The following ANKS1A variants were observed in gnomAD, a reference collection of about 807,000 sequenced individuals.
The protein encoded by ANKS1A is ankyrin repeat and sterile alpha motif domain containing 1A, also known as ankyrin repeat and SAM domain-containing protein 1A.
A neutral mutation model predicts 120.3 loss-of-function variants in ANKS1A; 55 were observed. The ratio of observed to expected loss-of-function variants is 0.46; its 90% CI spans 0.37 to 0.57. The LOEUF (loss-of-function observed/expected upper bound fraction) is 0.57. Among genes scored for constraint, ANKS1A ranks in the 20% least tolerant of loss-of-function variants. ANKS1A has a pLI of 0.00. For synonymous variants in ANKS1A, 590 were observed against 604.7 expected (o/e 0.98, Z 0.36); for missense variants, 1,123 against 1,480.3 (o/e 0.76, Z 3.96).
Position 35,086,970 on chromosome 6 carries a change from G to A in ANKS1A, c.3322G>A (p.Asp1108Asn). 1 of 1,614,160 alleles carries A rather than the reference G, an allele frequency of 6.2e-7. No individual in the cohort carries two copies. The highest frequency in any genetic ancestry group is 8.5e-7 in the Non-Finnish European group (1 of 1,180,000). ...RKSALEPPDM[D>N]QDAQSHASVS... ...TTGGCAGCTGGAACCACCTGATATG[G>A]ACCAAGATGCCCAATCCCATGCCAG... Residue 1108 changes from aspartate to asparagine, a missense_variant, in exon 23 of 24, where the codon GAC becomes AAC. Physicochemically the swap from Asp to Asn is conservative, Grantham distance 23. Around this residue, in one of 3 missense-constraint regions of ANKS1A, gnomAD observed 904 missense variants for 1,130.4 expected, o/e 0.80. Coordinates refer to ENST00000360359, the MANE Select transcript of ANKS1A (RefSeq NM_015245.3). The surrounding 1 kb of genome is among the most constrained non-coding windows in gnomAD (Gnocchi z 5.1).
chr6:34,971,166 G>T (rs1224067204), intron 3 of ANKS1A, among the ~76,000 whole-genome samples: 1 of 152,184 alleles, frequency 6.6e-6, no homozygotes, highest in Non-Finnish European at 1.5e-5. Flanking sequence ...CACAAATCAG[G>T]AACATGTGAG....
chr6:35,088,245 C>A (rs1778099382), intron 23 of ANKS1A, among the ~76,000 whole-genome samples: 1 of 152,252 alleles, frequency 6.6e-6, no homozygotes, highest in South Asian at 2.1e-4. Flanking sequence ...GCACCCCATT[C>A]TCCAGTGTGG....
At chr6:35,005,431 A>G (rs1473626338) in intron 10 of ANKS1A, among the ~76,000 whole-genome samples, 1 of 152,232 alleles carries the variant, frequency 6.6e-6, no homozygotes. Flanking sequence ...TTGTGTAAAT[A>G]CCTATAATAC....
chr6:35,054,541 C>T (rs1299259596), intron 12 of ANKS1A, among the ~76,000 whole-genome samples: 2 of 152,182 alleles, frequency 1.3e-5, no homozygotes, highest in African/African-American at 4.8e-5. Flanking sequence ...GAGTCTCATC[C>T]GTGATGGTGG....
At chr6:34,993,638 G>A (rs1772691601) in intron 9 of ANKS1A, among the ~76,000 whole-genome samples, 1 of 152,186 alleles carries the variant, frequency 6.6e-6, no homozygotes, top group Non-Finnish European at 1.5e-5. Context: ...CTGAAGAAAA[G>A]CTCACAAAAA....
intron 9 of ANKS1A, among the ~76,000 whole-genome samples, chr6:34,990,237 C>T (rs1772432290): frequency 6.6e-6 from 1 of 152,090 alleles, no homozygotes; most frequent in African/African-American, 2.4e-5. Context: ...TGTATAAATA[C>T]AAGGAAGCCC....
chr6:34,981,854 G>T lies in ANKS1A; in HGVS notation c.600G>T (p.Met200Ile). The T allele has an allele frequency of 6.2e-7, 1 of 1,614,126 alleles. No individual in the cohort carries two copies. Among genetic ancestry groups the T allele is most frequent in the East Asian group, 2.2e-5 (1 of 44,870 alleles). ...ACGGGCGACTGGAGGTGGTGAAAAT[G>T]CTCCTTAATGCACACCCCAACCTCC... ...ALYGRLEVVK[M>I]LLNAHPNLLS... The change falls in exon 4 of 24, where the codon ATG (methionine) becomes ATT (isoleucine). Residue 200 changes from methionine (M) to isoleucine (I), a missense_variant. Physicochemically the swap from Met to Ile is conservative, Grantham distance 10. Around this residue, in one of 3 missense-constraint regions of ANKS1A, gnomAD observed 146 missense variants for 267.8 expected, o/e 0.55. Coordinates refer to ENST00000360359, the MANE Select transcript of ANKS1A (RefSeq NM_015245.3).
At position 35,089,935 on chromosome 6, in the gene ANKS1A, C is replaced by T; in HGVS notation, c.*1326C>T. On this transcript the variant is annotated 3_prime_UTR_variant, in exon 24 of 24. Transcript: ENST00000360359. ...GAATAATCCAGGCTTCAGCAACACT[C>T]CTCTTTCCCAGCCAGCAAAGGCTGT... is the stretch of plus-strand genomic sequence containing the variant. The T allele has an allele frequency of 4.3e-6, 5 of 1,164,452 alleles. No homozygotes were observed. Among genetic ancestry groups the T allele is most frequent in the Non-Finnish European group, 5.4e-6 (5 of 928,886 alleles). The allele number at this position is 1,164,452 out of a possible 1,614,324, so 72.1% of individuals were successfully genotyped here.
intron 11 of ANKS1A, among the ~76,000 whole-genome samples, chr6:35,019,493 T>C (rs552272327): frequency 6.6e-6 from 1 of 152,258 alleles, no homozygotes; most frequent in East Asian, 1.9e-4. Context: ...AAGATTCTGA[T>C]TAGGCAGAGA....
At chr6:35,019,516 G>A (rs1313862243) in intron 11 of ANKS1A, among the ~76,000 whole-genome samples, 1 of 152,160 alleles carries the variant, frequency 6.6e-6, no homozygotes, top group Non-Finnish European at 1.5e-5. Flanking sequence ...GAGGAATCCT[G>A]TGCAAAAGAT....
At chr6:34,973,231 G>A (rs900084910) in intron 3 of ANKS1A, among the ~76,000 whole-genome samples, 8 of 152,046 alleles carry the variant, frequency 5.3e-5, no homozygotes, top group Non-Finnish European at 8.8e-5. Context: ...TTAAAACCAC[G>A]ACCCAATATC....
chr6:34,959,958 C>T (rs775980348), intron 1 of ANKS1A, among the ~76,000 whole-genome samples: 3 of 152,112 alleles, frequency 2.0e-5, no homozygotes, highest in Non-Finnish European at 4.4e-5. Flanking sequence ...TTTATGTCCT[C>T]CTCCGTTTTC....
At chr6:35,094,221 CTT>C (rs1284067207), downstream of ANKS1A, among the ~76,000 whole-genome samples, 6 of 152,176 alleles carry the variant, frequency 3.9e-5, no homozygotes, top group Admixed American at 6.5e-5. Flanking sequence ...TAGAAAATCA[CTT>C]ATCATACCAA....
At chr6:35,025,853 C>T (rs1024754256) in intron 11 of ANKS1A, among the ~76,000 whole-genome samples, 2 of 152,130 alleles carry the variant, frequency 1.3e-5, no homozygotes, top group Non-Finnish European at 2.9e-5. Flanking sequence ...TTCTGCCACT[C>T]GTGGTATCCG....
At position 35,054,120 on chromosome 6, in the gene ANKS1A, A is replaced by G. The variant is rs140299563; in HGVS notation, c.2032A>G (p.Ile678Val). 5 of 1,613,778 alleles carry G rather than the reference A, an allele frequency of 3.1e-6. No individual in the cohort carries two copies. The highest frequency in any genetic ancestry group is 2.2e-5 in the South Asian group (2 of 91,068). ...WDEIEKIMSS[I>V]GEGIDFSQER... ...TCAGATTGAGAAAATCATGAGTTCTATTGGAGAAGGGATTGACTTTTCTCA... is the reference window on the plus strand; with the variant it reads ...TCAGATTGAGAAAATCATGAGTTCTGTTGGAGAAGGGATTGACTTTTCTCA... Residue 678 changes from isoleucine (I) to valine (V), a missense_variant, in exon 12 of 24, where the codon ATT becomes GTT. Ile to Val is a conservative substitution (Grantham distance 29, BLOSUM62 3). This residue lies in a region of ANKS1A where 904 missense variants were observed against 1,130.4 expected (regional missense o/e 0.80). Coordinates refer to ENST00000360359, the MANE Select transcript of ANKS1A (RefSeq NM_015245.3).
chr6:34,904,897 G>C (rs1022339571), intron 1 of ANKS1A, among the ~76,000 whole-genome samples: 1 of 151,908 alleles, frequency 6.6e-6, no homozygotes, highest in Admixed American at 6.6e-5. Flanking sequence ...TGCAACCTTC[G>C]CTTCTCAGGT....
At chr6:34,918,430 T>C (rs1768276755) in intron 1 of ANKS1A, among the ~76,000 whole-genome samples, 1 of 152,148 alleles carries the variant, frequency 6.6e-6, no homozygotes, top group African/African-American at 2.4e-5. Context: ...ATGAAGATGT[T>C]CCAAACAGCA....
intron 11 of ANKS1A, among the ~76,000 whole-genome samples, chr6:35,052,763 G>A (rs1023608598): frequency 6.6e-6 from 1 of 152,096 alleles, no homozygotes; most frequent in Non-Finnish European, 1.5e-5. Context: ...GGTGGAGGGA[G>A]GCGTTTTCTT....
intron 10 of ANKS1A, among the ~76,000 whole-genome samples, chr6:34,997,861 G>C (rs941481347): frequency 9.2e-5 from 14 of 152,224 alleles, no homozygotes; most frequent in Non-Finnish European, 2.9e-5. Context: ...AGATCGTCAG[G>C]TTAAGGAAGG....
Sources: allele counts gnomAD v4.1 joint callset (sites outside exome capture counted in the v4.1 genomes callset), GRCh38; gene constraint gnomAD v4.1.1; regional missense constraint gnomAD v4.1.1; non-coding constraint Gnocchi (gnomAD v3.1); transcripts MANE v1.5; gene names NCBI Gene and HGNC (gene_info 2026-07-23, HGNC 2026-07-21).